Variants in UBE3A observed in about 807,000 individuals in gnomAD.
UBE3A encodes ubiquitin protein ligase E3A.
UBE3A carries 6 observed loss-of-function variants against 83.4 expected under a neutral mutation model. The observed-to-expected ratio is 0.07, with a 90% CI of 0.04 to 0.14. The LOEUF is 0.14. UBE3A is among the 10% of genes least tolerant of loss of function. The pLI is 1.00. For synonymous variants in UBE3A, 337 were observed against 355.4 expected (o/e 0.95, Z 0.58); for missense variants, 456 against 1,036.1 (o/e 0.44, Z 7.69).
Position 25,370,767 on chromosome 15 carries a change from C to A in UBE3A, c.1407G>T (p.Glu469Asp). Residue 469 changes from glutamate to aspartate, a missense_variant, in exon 6 of 13, where the codon GAG becomes GAT. Transcript: ENST00000648336. This position sits in a 1 kb window ranked among gnomAD's most constrained non-coding sequence, Gnocchi z 4.2. ...GACATGTCATAAAAGAGAATTTGTT[C>A]TCTGTTTCTACTTTGAAAAAAGTAT... ...KDYTFFKVET[E>D]NKFSFMTCPF... The A allele has an allele frequency of 6.2e-7, 1 of 1,614,042 alleles. No individual in the cohort carries two copies. Among genetic ancestry groups the A allele is most frequent in the Non-Finnish European group, 8.5e-7 (1 of 1,179,982 alleles).
chr15:25,414,924 T>G (rs371683591), intron 1 of UBE3A, among the ~76,000 whole-genome samples: 6 of 152,228 alleles, frequency 3.9e-5, no homozygotes, highest in African/African-American at 1.2e-4. Flanking sequence ...TCATTTGCTT[T>G]TATACTTCCA....
chr15:25,385,132 T>C (rs2082880801), intron 4 of UBE3A, among the ~76,000 whole-genome samples: 1 of 152,148 alleles, frequency 6.6e-6, no homozygotes, highest in Non-Finnish European at 1.5e-5. Flanking sequence ...CAAAAATTTC[T>C]ACAAAGCAAA....
chr15:25,410,358 T>G (rs540178236), intron 2 of UBE3A, among the ~76,000 whole-genome samples: 11 of 152,278 alleles, frequency 7.2e-5, no homozygotes, highest in African/African-American at 2.6e-4. Flanking sequence ...GCAGGCCTCT[T>G]TACTGACACT....
intron 1 of UBE3A, chr15:25,415,982 GTT>G (rs1567139873): frequency 2.0e-5 from 3 of 151,606 alleles, no homozygotes; most frequent in Non-Finnish European, 4.4e-5. Context: ...TTTAAGAAAC[GTT>G]TTTTCAAAGA....
chr15:25,393,813 C>A (rs913221658), intron 4 of UBE3A: 1 of 152,182 alleles, frequency 6.6e-6, no homozygotes, highest in African/African-American at 2.4e-5. Context: ...GACTATGACT[C>A]GTGTCACTTC....
chr15:25,371,939 T>A lies in UBE3A; in HGVS notation c.362-127A>T, dbSNP rs1438158133. The A allele has an allele frequency of 1.0e-6, 1 of 957,614 alleles. No individual in the cohort carries two copies. Among genetic ancestry groups the A allele is most frequent in the African/African-American group, 1.7e-5 (1 of 59,976 alleles). 59.3% of individuals were successfully genotyped at this position (957,614 alleles called of 1,614,324 possible). A position where few individuals can be genotyped will look rare whatever the true frequency, so the allele number is the denominator to read the frequency against. On this transcript the variant is annotated intron_variant, in intron 5 of 12. Transcript: ENST00000648336. The surrounding 1 kb of genome is among the most constrained non-coding windows in gnomAD (Gnocchi z 5.3). The stretch of plus-strand genomic sequence containing the variant: ...CAATATCATTTATGATATACAACTC[T>A]TAAAGTATCTAATACTTAGATTCAG...
intron 2 of UBE3A, among the ~76,000 whole-genome samples, chr15:25,411,387 C>T (rs1203624456): frequency 2.0e-5 from 3 of 152,060 alleles, no homozygotes; most frequent in Admixed American, 1.3e-4. Flanking sequence ...GCCAGGAGTT[C>T]GAGACTAGCC....
intron 11 of UBE3A, among the ~76,000 whole-genome samples, chr15:25,343,333 C>T (rs910658503): frequency 6.6e-6 from 1 of 152,156 alleles, no homozygotes. Flanking sequence ...AGTAACACCA[C>T]ATTCCAACAC....
chr15:25,365,539 G>T (rs1055713651), intron 6 of UBE3A, among the ~76,000 whole-genome samples: 2 of 150,910 alleles, frequency 1.3e-5, no homozygotes, highest in African/African-American at 4.9e-5. Flanking sequence ...ACGAGGTCAG[G>T]AGATTGAGAC....
At chr15:25,339,876 A>AC (rs2152512591) in intron 12 of UBE3A, 1 of 606,612 alleles carries the variant, frequency 1.6e-6, no homozygotes, top group African/African-American at 1.9e-5. Flanking sequence ...AACCAATGTG[A>AC]GCCCCATAAT....
Position 25,375,679 on chromosome 15 carries a change from C to T in UBE3A, c.147G>A (p.Glu49=). 1 of 1,614,174 alleles carries T rather than the reference C, an allele frequency of 6.2e-7. No individual in the cohort carries two copies. The highest frequency in any genetic ancestry group is 8.5e-7 in the Non-Finnish European group (1 of 1,180,028). ...GAAAAGTTGGACAGGAAGCACAAAA[C>T]TCATTCGTGCAGGCTTCATTTCCAC... The part of the protein sequence containing the change: ...EGCGNEACTN[E]FCASCPTFLR... Residue 49 remains glutamate, a synonymous_variant, in exon 5 of 13, where the codon GAG becomes GAA. Transcript: ENST00000648336.
At chr15:25,395,304 A>G (rs914227593) in intron 4 of UBE3A, among the ~76,000 whole-genome samples, 1 of 152,218 alleles carries the variant, frequency 6.6e-6, no homozygotes, top group Non-Finnish European at 1.5e-5. Flanking sequence ...AACATGGTTT[A>G]ACTCAGATTT....
rs367996463 is a variant in UBE3A, at chr15:25,371,430, T to C, written c.744A>G (p.Lys248=). ...GTGCATTGAGAAAGGCAGTTTCAAT[T>C]TTTTCATTAGAGAGCAATCTGGTGT... ...RVYTRLLSNE[K]IETAFLNALV... is the part of the protein sequence containing the mutation. Residue 248 remains lysine (K), a synonymous_variant, in exon 6 of 13, where the codon AAA becomes AAG. Transcript: ENST00000648336. The surrounding 1 kb of genome is among the most constrained non-coding windows in gnomAD (Gnocchi z 5.3). 3.7e-6 allele frequency: 6 copies of C among 1,614,020 alleles called. No individual in the cohort carries two copies. The highest frequency in any genetic ancestry group is 1.6e-4 in the Middle Eastern group (1 of 6,062).
intron 6 of UBE3A, among the ~76,000 whole-genome samples, chr15:25,365,571 C>T (rs182133566): frequency 1.1e-4 from 16 of 141,792 alleles, no homozygotes; most frequent in Non-Finnish European, 2.0e-4. Flanking sequence ...ACACGGTGAA[C>T]CCCATCTCTA....
rs772071204 is a variant in UBE3A at position 25,360,531 on chromosome 15, G to T, written c.1609-4C>A. The T allele has an allele frequency of 6.2e-7, 1 of 1,612,782 alleles. No homozygotes were observed. Among genetic ancestry groups the T allele is most frequent in the Non-Finnish European group, 8.5e-7 (1 of 1,179,662 alleles). ...TTTCCATAGCGATCATCTCTAGCTA[G>T]TGATTGAAAAGATAAACATGAAAAG... is the stretch of plus-strand genomic sequence containing the variant. On this transcript the variant is annotated splice_region_variant and splice_polypyrimidine_tract_variant and intron_variant, in intron 6 of 12. Coordinates refer to ENST00000648336, the MANE Select transcript of UBE3A (RefSeq NM_130839.5).
At chr15:25,434,447 T>C (rs1022305708) in intron 1 of UBE3A, among the ~76,000 whole-genome samples, 2 of 152,202 alleles carry the variant, frequency 1.3e-5, no homozygotes, top group African/African-American at 4.8e-5. Context: ...AAAGGACTTA[T>C]TTATATGGCA....
At chr15:25,434,092 A>C (rs1198631550) in intron 1 of UBE3A, among the ~76,000 whole-genome samples, 1 of 152,048 alleles carries the variant, frequency 6.6e-6, no homozygotes, top group Non-Finnish European at 1.5e-5. Flanking sequence ...AAAATAAACA[A>C]AAAGAAAATG....
At position 25,335,595 on chromosome 15, in the gene UBE3A, T is replaced by C. The variant is rs540822824; in HGVS notation, c.*3542A>G. On this transcript the variant is annotated 3_prime_UTR_variant, in exon 13 of 13. Transcript: ENST00000648336. The stretch of plus-strand genomic sequence containing the variant: ...GTGACAACCTGTGACAATTGAGGAA[T>C]GAGAGATTTTGATGATTGGGGTGAA... 1.9e-4 allele frequency: 29 copies of C among 152,100 alleles called. No homozygotes were observed. Among genetic ancestry groups the C allele is most frequent in the African/African-American group, 7.0e-4 (29 of 41,490 alleles). 9.4% of individuals were successfully genotyped at this position (152,100 alleles called of 1,614,324 possible).
intron 4 of UBE3A, among the ~76,000 whole-genome samples, chr15:25,386,256 A>G (rs758755673): frequency 6.6e-6 from 1 of 152,192 alleles, no homozygotes; most frequent in Non-Finnish European, 1.5e-5. Flanking sequence ...ACACCTTACA[A>G]CCACATTACT....
Sources: gnomAD v4.1 joint callset for allele counts (sites outside exome capture counted in the v4.1 genomes callset) on GRCh38, gnomAD v4.1.1 for gene constraint, Gnocchi (gnomAD v3.1) non-coding constraint, MANE v1.5 for transcripts, NCBI Gene and HGNC (gene_info 2026-07-23, HGNC 2026-07-21) for gene names.